PKIB: variants seen among roughly 807,000 people sequenced by gnomAD.
PKIB encodes the protein PKI-beta.
In PKIB, 2 loss-of-function variants were observed where a neutral mutation model predicts 4.5. The observed-to-expected ratio is 0.44, with a 90% CI of 0.18 to 1.39. The LOEUF is 1.39. PKIB is among the 40% of genes most tolerant of loss of function. The pLI is 0.27. For missense variants in PKIB, 94 were observed against 92.6 expected, an observed-to-expected ratio of 1.02 and a Z score of -0.06; for synonymous variants, 38 against 36.0, an observed-to-expected ratio of 1.06 and a Z score of -0.20.
chr6:122,627,780 A>T (rs1014108176), intron 1 of PKIB, among the ~76,000 whole-genome samples: 22 of 152,226 alleles, frequency 1.4e-4, no homozygotes, highest in African/African-American at 5.1e-4. Context: ...GACGTAACAT[A>T]GACACTTTCA....
In PKIB at chr6:122,603,195, TTATC is replaced by T. The variant is rs1476439572; in HGVS notation, c.-161+17192_-161+17195del. Among the ~76,000 whole-genome samples the T allele has an allele frequency of 5.3e-5, 8 of 152,258 alleles. No homozygotes were observed. In the East Asian group the frequency reaches 9.6e-4, roughly 18 times the overall value. ...TAAGACAACTTAACATTCATTATAT[TTATC>T]TATAGTTATTGAGTAATTTGGGATC... On this transcript the variant is annotated intron_variant, in intron 3 of 6. Transcript: ENST00000392491.
At chr6:122,506,575 G>T (rs1055649360) in intron 2 of PKIB, among the ~76,000 whole-genome samples, 1 of 151,824 alleles carries the variant, frequency 6.6e-6, no homozygotes, top group Non-Finnish European at 1.5e-5. Flanking sequence ...TTTTGTTTCA[G>T]TCCTGTCATG....
At chr6:122,644,243 T>G (rs539956751) in intron 2 of PKIB, 2 of 152,360 alleles carry the variant, frequency 1.3e-5, no homozygotes, top group African/African-American at 4.8e-5. Context: ...GACAATTGAC[T>G]GGTCCACCAC....
rs148318105 is a variant in PKIB, at chr6:122,703,672, A to C, written c.-8-14115A>C. On this transcript the variant is annotated intron_variant, in intron 3 of 4. Transcript: ENST00000368452. Reference sequence around the variant, plus strand: ...AGAGAATAGTGAACTATATACACTTATGATGCAATTCTCTGAAGAATCTAA... The same window carrying C: ...AGAGAATAGTGAACTATATACACTTCTGATGCAATTCTCTGAAGAATCTAA... Among the ~76,000 whole-genome samples the C allele has an allele frequency of 3.7e-3, 566 of 151,982 alleles. 1 individual carries two copies. The highest frequency in any genetic ancestry group is 6.4e-3 in the Non-Finnish European group (433 of 67,964).
At chr6:122,723,895 A>G (rs1169721538) in intron 4 of PKIB, among the ~76,000 whole-genome samples, 1 of 151,992 alleles carries the variant, frequency 6.6e-6, no homozygotes, top group Admixed American at 6.6e-5. Context: ...CATTTCATTT[A>G]TTTTGTTTAT....
At chr6:122,699,252 A>AT (rs918430866) in intron 3 of PKIB, among the ~76,000 whole-genome samples, 19 of 102,202 alleles carry the variant, frequency 1.9e-4, no homozygotes, top group African/African-American at 6.0e-4. Context: ...AAGTATAATA[A>AT]TAAAAAAAAA....
intron 3 of PKIB, among the ~76,000 whole-genome samples, chr6:122,681,956 T>C (rs1777911876): frequency 6.6e-6 from 1 of 152,170 alleles, no homozygotes; most frequent in South Asian, 2.1e-4. Flanking sequence ...GTTCCAGAAC[T>C]CAGGACTGAA....
intron 3 of PKIB, among the ~76,000 whole-genome samples, chr6:122,602,775 A>C (rs1774414210): frequency 6.6e-6 from 1 of 151,740 alleles, no homozygotes; most frequent in Non-Finnish European, 1.5e-5. Context: ...AACAAGCAAA[A>C]AACAAATGAA....
At chr6:122,713,757 G>A (rs1490275624) in intron 3 of PKIB, among the ~76,000 whole-genome samples, 1 of 152,088 alleles carries the variant, frequency 6.6e-6, no homozygotes, top group East Asian at 1.9e-4. Flanking sequence ...TAATATATAT[G>A]CTCATTAGTA....
chr6:122,667,094 G>T (rs1777249509), intron 2 of PKIB, among the ~76,000 whole-genome samples: 3 of 152,076 alleles, frequency 2.0e-5, no homozygotes, highest in African/African-American at 7.2e-5. Flanking sequence ...GTTTTCATTG[G>T]CCTTCTTCTG....
At chr6:122,545,091 AG>A (rs745385968) in intron 2 of PKIB, among the ~76,000 whole-genome samples, 79 of 152,216 alleles carry the variant, frequency 5.2e-4, no homozygotes, top group Admixed American at 1.8e-3. Context: ...CGATTTCTCA[AG>A]GAACTTAAAA....
chr6:122,674,356 T>C (rs1160050624), intron 2 of PKIB, among the ~76,000 whole-genome samples: 1 of 152,098 alleles, frequency 6.6e-6, no homozygotes, highest in East Asian at 1.9e-4. Context: ...GAAGAGTGAA[T>C]GGTAGGTTGA....
intron 2 of PKIB, among the ~76,000 whole-genome samples, chr6:122,534,465 G>T (rs552782708): frequency 6.6e-6 from 1 of 152,054 alleles, no homozygotes; most frequent in Admixed American, 6.5e-5. Flanking sequence ...AGTATCCAGC[G>T]TAAAAAGATC....
intron 2 of PKIB, among the ~76,000 whole-genome samples, chr6:122,533,917 C>T (rs1374304230): frequency 6.6e-6 from 1 of 151,948 alleles, no homozygotes; most frequent in Non-Finnish European, 1.5e-5. Flanking sequence ...AGGCTTCCTA[C>T]TTCCTGTCCC....
intron 2 of PKIB, among the ~76,000 whole-genome samples, chr6:122,570,284 A>G (rs1193992556): frequency 6.6e-6 from 1 of 152,136 alleles, no homozygotes; most frequent in Admixed American, 6.5e-5. Context: ...TTTCAACCTG[A>G]TAAAACCTCT....
chr6:122,524,673 A>T (rs1488154585), intron 2 of PKIB, among the ~76,000 whole-genome samples: 4 of 151,964 alleles, frequency 2.6e-5, no homozygotes, highest in African/African-American at 9.7e-5. Context: ...TGGCCTGTTC[A>T]GATTTTCTAT....
At chr6:122,637,581 C>G (rs1281594472) in intron 2 of PKIB, among the ~76,000 whole-genome samples, 1 of 151,864 alleles carries the variant, frequency 6.6e-6, no homozygotes, top group Non-Finnish European at 1.5e-5. Context: ...ACACTGAAAC[C>G]CTATCTCTAC....
At chr6:122,723,629 T>C (rs1779828099) in intron 4 of PKIB, among the ~76,000 whole-genome samples, 1 of 152,150 alleles carries the variant, frequency 6.6e-6, no homozygotes, top group Non-Finnish European at 1.5e-5. Context: ...ACTGTCCCGC[T>C]TGCAAATCCT....
At chr6:122,656,869 G>A (rs1776794880) in intron 2 of PKIB, among the ~76,000 whole-genome samples, 1 of 152,182 alleles carries the variant, frequency 6.6e-6, no homozygotes, top group Non-Finnish European at 1.5e-5. Flanking sequence ...CCTCCTCAAA[G>A]AGGCTGTCTC....
Sources: allele counts gnomAD v4.1 joint callset (sites outside exome capture counted in the v4.1 genomes callset), GRCh38; gene constraint gnomAD v4.1.1; transcripts MANE v1.5; gene names NCBI Gene and HGNC (gene_info 2026-07-23, HGNC 2026-07-21).